Variants in TLK1 observed in about 807,000 individuals in gnomAD.
The protein encoded by TLK1 is tousled like kinase 1.
Under a neutral mutation model 105.3 loss-of-function variants are expected in TLK1, and 24 were observed. That is an observed-to-expected ratio of 0.23 (90% CI 0.17 to 0.32). The LOEUF (loss-of-function observed/expected upper bound fraction) is 0.32. TLK1 is among the 10% of genes least tolerant of loss of function. TLK1 has a pLI of 1.00. For missense variants in TLK1, 558 were observed against 910.5 expected (o/e 0.61, Z 4.98); for synonymous variants, 321 against 310.4 (o/e 1.03, Z -0.36).
chr2:171,046,393 T>C (rs758487491), intron 10 of TLK1, 31 bp from the exon 11 acceptor site: 1 of 1,540,308 alleles, frequency 6.5e-7, no homozygotes, highest in Non-Finnish European at 8.7e-7. Context: ...AAAACCATAT[T>C]AACCTTCCAT....
chr2:171,113,732 C>G (rs913582034), intron 2 of TLK1, among the ~76,000 whole-genome samples: 1 of 152,076 alleles, frequency 6.6e-6, no homozygotes, highest in African/African-American at 2.4e-5. Context: ...AACTGGATCA[C>G]TACCAATATT....
At chr2:171,143,361 TGG>T (rs149798565) in intron 1 of TLK1, among the ~76,000 whole-genome samples, 4,845 of 151,610 alleles carry the variant, frequency 0.032, 247 homozygotes, top group African/African-American at 0.11. Context: ...AAAAGTTAGC[TGG>T]GTGTGGTGGC....
At chr2:171,159,350 T>C (rs151007483) in intron 1 of TLK1, among the ~76,000 whole-genome samples, 25 of 152,324 alleles carry the variant, frequency 1.6e-4, no homozygotes, top group African/African-American at 4.6e-4. Context: ...AAATGTGTTT[T>C]CTCCCAAATT....
intron 2 of TLK1, among the ~76,000 whole-genome samples, chr2:171,110,256 A>G (rs1045626430): frequency 6.6e-6 from 1 of 152,180 alleles, no homozygotes; most frequent in African/African-American, 2.4e-5. Flanking sequence ...GATTACTTGA[A>G]GTCAGGAGTT....
intron 1 of TLK1, among the ~76,000 whole-genome samples, chr2:171,207,548 C>T (rs1473882920): frequency 1.3e-5 from 2 of 152,126 alleles, no homozygotes; most frequent in African/African-American, 2.4e-5. Flanking sequence ...AATGTTGGCT[C>T]ATCTGTTGTA....
At chr2:171,167,522 A>G (rs1469533674) in intron 1 of TLK1, among the ~76,000 whole-genome samples, 2 of 152,216 alleles carry the variant, frequency 1.3e-5, no homozygotes, top group Non-Finnish European at 1.5e-5. Context: ...TTCATTGCAC[A>G]ATTCACAAAA....
chr2:171,216,258 C>T (rs1314519793), intron 1 of TLK1, among the ~76,000 whole-genome samples: 1 of 152,092 alleles, frequency 6.6e-6, no homozygotes, highest in South Asian at 2.1e-4. Context: ...GGGCAGATCA[C>T]GAGGTCAGGA....
At chr2:171,071,398 C>T (rs1170397201) in intron 3 of TLK1, among the ~76,000 whole-genome samples, 1 of 152,100 alleles carries the variant, frequency 6.6e-6, no homozygotes, top group Non-Finnish European at 1.5e-5. Flanking sequence ...CGCCATTCTC[C>T]CGCCTCAGCC....
At chr2:171,120,270 A>G (rs1347540781) in intron 1 of TLK1, among the ~76,000 whole-genome samples, 5 of 151,040 alleles carry the variant, frequency 3.3e-5, no homozygotes, top group African/African-American at 9.7e-5. Context: ...AAAAAAAAAA[A>G]AAGGAAGGAA....
At chr2:171,074,550 C>G (rs374841341) in intron 3 of TLK1, among the ~76,000 whole-genome samples, 1 of 151,108 alleles carries the variant, frequency 6.6e-6, no homozygotes, top group East Asian at 2.0e-4. Flanking sequence ...ATTGCTGAGC[C>G]CAGAAGGCAG....
At chr2:171,035,084 T>C (rs775632547) in intron 11 of TLK1, among the ~76,000 whole-genome samples, 5 of 152,080 alleles carry the variant, frequency 3.3e-5, no homozygotes, top group Non-Finnish European at 7.4e-5. Context: ...CTCATGCCCG[T>C]AATCCCAGCA....
At chr2:171,056,149 G>A (rs948853342) in intron 6 of TLK1, among the ~76,000 whole-genome samples, 3 of 151,876 alleles carry the variant, frequency 2.0e-5, no homozygotes, top group Non-Finnish European at 4.4e-5. Flanking sequence ...TATAAATTAG[G>A]AATCAACAAC....
Position 170,991,017 on chromosome 2 carries a change from AAAG to A in TLK1, c.*2760_*2762del, listed in dbSNP as rs1470912272. The stretch of plus-strand genomic sequence containing the variant: ...GGTAGTGAGTGTTTAAAAAAAAAAA[AAAG>A]ATTGAGTCTTTATTTTTGAAAAACC... On this transcript the variant is annotated 3_prime_UTR_variant, in exon 21 of 21. Coordinates refer to ENST00000431350, the MANE Select transcript of TLK1 (RefSeq NM_012290.5). 1 of 152,156 alleles carries A rather than the reference AAAG, an allele frequency of 6.6e-6. No homozygotes were observed. Among genetic ancestry groups the A allele is most frequent in the African/African-American group, 2.4e-5 (1 of 41,412 alleles). 9.4% of individuals were successfully genotyped at this position (152,156 alleles called of 1,614,324 possible). A position where few individuals can be genotyped will look rare whatever the true frequency, so the allele number is the denominator to read the frequency against.
intron 1 of TLK1, among the ~76,000 whole-genome samples, chr2:171,198,570 A>G (rs2105318707): frequency 6.6e-6 from 1 of 152,298 alleles, no homozygotes; most frequent in South Asian, 2.1e-4. Context: ...AAAACTATTC[A>G]ATTAGCAGGT....
chr2:171,088,848 T>G (rs981985663), intron 2 of TLK1, among the ~76,000 whole-genome samples: 1 of 152,166 alleles, frequency 6.6e-6, no homozygotes, highest in African/African-American at 2.4e-5. Context: ...GAGAATCTGC[T>G]CCACCAAAAA....
At chr2:171,120,876 A>T (rs1282025929) in intron 1 of TLK1, among the ~76,000 whole-genome samples, 1 of 152,240 alleles carries the variant, frequency 6.6e-6, no homozygotes, top group Non-Finnish European at 1.5e-5. Flanking sequence ...ACATTAGCCT[A>T]AAGGTAGAAG....
At position 171,133,779 on chromosome 2, in the gene TLK1, T is replaced by C. The variant is rs532132322; in HGVS notation, c.140-15922A>G. Among the ~76,000 whole-genome samples, 6 of 152,000 alleles carry C rather than the reference T, an allele frequency of 3.9e-5. No homozygotes were observed. In the East Asian group the frequency reaches 9.7e-4, roughly 25 times the overall value. ...TCTGATTTTTTTTTTTTTTTAATATTTGAGTGTACATAATGAGGTATCTGG... is the reference window on the plus strand; with the variant it reads ...TCTGATTTTTTTTTTTTTTTAATATCTGAGTGTACATAATGAGGTATCTGG... On this transcript the variant is annotated intron_variant, in intron 1 of 20. Coordinates refer to ENST00000431350, the MANE Select transcript of TLK1 (RefSeq NM_012290.5).
chr2:171,125,239 G>A (rs189601274), intron 1 of TLK1, among the ~76,000 whole-genome samples: 10 of 152,132 alleles, frequency 6.6e-5, no homozygotes, highest in Admixed American at 2.0e-4. Flanking sequence ...TTTAAGTTTT[G>A]TAATTTTTCT....
chr2:171,207,690 A>C (rs1186555375), intron 1 of TLK1, among the ~76,000 whole-genome samples: 1 of 152,164 alleles, frequency 6.6e-6, no homozygotes, highest in Non-Finnish European at 1.5e-5. Context: ...CTAAAAATAA[A>C]ATCTATTTTT....
Sources: allele counts gnomAD v4.1 joint callset (sites outside exome capture counted in the v4.1 genomes callset), GRCh38; gene constraint gnomAD v4.1.1; transcripts MANE v1.5; gene names NCBI Gene and HGNC (gene_info 2026-07-23, HGNC 2026-07-21).